CTXND1: variants seen among roughly 807,000 people sequenced by gnomAD.
The protein encoded by CTXND1 is cortexin domain containing 1.
In CTXND1 at chr15:80,200,543, T is replaced by A. The variant is rs2041443518; in HGVS notation, c.*1227A>T. 1 of 152,220 alleles carries A rather than the reference T, an allele frequency of 6.6e-6. No homozygotes were observed. Among genetic ancestry groups the A allele is most frequent in the African/African-American group, 2.4e-5 (1 of 41,434 alleles). The allele number at this position is 152,220 out of a possible 1,614,324, so 9.4% of individuals were successfully genotyped here. ...CCTGAGAAGAGCCATCATCGATGAC[T>A]TCTTCCTTGCCCCCCAACTCCGACT... On this transcript the variant is annotated 3_prime_UTR_variant, in exon 3 of 3. Coordinates refer to ENST00000560778, the MANE Select transcript of CTXND1 (RefSeq NM_001352888.2).
intron 1 of CTXND1, among the ~76,000 whole-genome samples, chr15:80,248,084 C>T (rs1893655025): frequency 6.6e-6 from 1 of 152,230 alleles, no homozygotes; most frequent in Non-Finnish European, 1.5e-5. Context: ...CCCTCCCATG[C>T]CCTCCAGGGA....
chr15:80,238,006 C>T (rs1265711973), intron 1 of CTXND1, among the ~76,000 whole-genome samples: 3 of 24,662 alleles, frequency 1.2e-4, no homozygotes, highest in African/African-American at 5.2e-4. Context: ...GAGACTCCAT[C>T]TCAAAAAAAA....
At chr15:80,204,207 C>CATATAT (rs199817313) in intron 1 of CTXND1, among the ~76,000 whole-genome samples, 16,209 of 52,592 alleles carry the variant, frequency 0.31, 1,532 homozygotes, top group East Asian at 0.51. Flanking sequence ...TATACACAAA[C>CATATAT]ACATACACAC....
chr15:80,228,500 G>A (rs903920820), intron 1 of CTXND1, among the ~76,000 whole-genome samples: 1 of 152,096 alleles, frequency 6.6e-6, no homozygotes, highest in African/African-American at 2.4e-5. Context: ...TTATCCAAGG[G>A]CCCCACAGTT....
intron 1 of CTXND1, among the ~76,000 whole-genome samples, chr15:80,227,451 C>G (rs1361762056): frequency 6.6e-6 from 1 of 152,118 alleles, no homozygotes; most frequent in Non-Finnish European, 1.5e-5. Flanking sequence ...ATTCTTTCTC[C>G]TCCTCAAGTA....
At chr15:80,202,659 A>G (rs1207206459) in intron 2 of CTXND1, among the ~76,000 whole-genome samples, 6 of 152,198 alleles carry the variant, frequency 3.9e-5, no homozygotes, top group African/African-American at 1.2e-4. Flanking sequence ...AATGAAACCT[A>G]TTGTGGAAAA....
At chr15:80,234,758 G>A (rs369819495) in intron 1 of CTXND1, among the ~76,000 whole-genome samples, 2 of 152,148 alleles carry the variant, frequency 1.3e-5, no homozygotes, top group Non-Finnish European at 2.9e-5. Flanking sequence ...GATTATAAGC[G>A]TGAGCCACTG....
At chr15:80,237,724 A>G (rs1345957621) in intron 1 of CTXND1, among the ~76,000 whole-genome samples, 1 of 152,162 alleles carries the variant, frequency 6.6e-6, no homozygotes, top group African/African-American at 2.4e-5. Context: ...AAAAGTTAAA[A>G]CACACTGGGT....
chr15:80,211,280 G>A (rs1439980950), intron 1 of CTXND1, among the ~76,000 whole-genome samples: 1 of 152,232 alleles, frequency 6.6e-6, no homozygotes, highest in South Asian at 2.1e-4. Flanking sequence ...ACAGTACGCT[G>A]CAGCGACATT....
At chr15:80,204,236 A>T in intron 1 of CTXND1, among the ~76,000 whole-genome samples, 1 of 145,806 alleles carries the variant, frequency 6.9e-6, no homozygotes, top group Admixed American at 6.9e-5. Context: ...ACACATATAT[A>T]TTTATAAACT....
intron 1 of CTXND1, among the ~76,000 whole-genome samples, chr15:80,222,770 T>A (rs529937397): frequency 1.9e-4 from 29 of 152,306 alleles, no homozygotes; most frequent in South Asian, 1.0e-3. Context: ...GCATCTTTTT[T>A]AAAAAATTAT....
chr15:80,226,577 A>G (rs1893374161), intron 1 of CTXND1, among the ~76,000 whole-genome samples: 1 of 152,162 alleles, frequency 6.6e-6, no homozygotes, highest in South Asian at 2.1e-4. Context: ...AGTGAAAAGA[A>G]CACTGTCAAA....
chr15:80,250,253 G>A (rs541911070), intron 1 of CTXND1, among the ~76,000 whole-genome samples: 1 of 152,042 alleles, frequency 6.6e-6, no homozygotes, highest in Non-Finnish European at 1.5e-5. Context: ...AACCCTGTAA[G>A]GAAAGGAACT....
intron 1 of CTXND1, among the ~76,000 whole-genome samples, chr15:80,247,303 C>T (rs557029955): frequency 1.2e-4 from 19 of 152,276 alleles, no homozygotes; most frequent in African/African-American, 4.6e-4. Context: ...CTCAAATTGT[C>T]CCTCATCCCC....
chr15:80,241,966 C>G (rs1247421525), intron 1 of CTXND1, among the ~76,000 whole-genome samples: 1 of 152,210 alleles, frequency 6.6e-6, no homozygotes, highest in Middle Eastern at 3.2e-3. Flanking sequence ...CCCACTTTTT[C>G]ACTCCAATAA....
Position 80,246,238 on chromosome 15 carries a change from C to T in CTXND1, c.-218+5769G>A, listed in dbSNP as rs1277598534. On this transcript the variant is annotated intron_variant, in intron 1 of 2. Coordinates refer to ENST00000560778, the MANE Select transcript of CTXND1 (RefSeq NM_001352888.2). ...CAAAGAAGCAAATTTTCTGTAATTCCAAAGTTCAATTCATATAAAGGTGGA... is the reference window on the plus strand; with the variant it reads ...CAAAGAAGCAAATTTTCTGTAATTCTAAAGTTCAATTCATATAAAGGTGGA... 3.9e-5 allele frequency among the ~76,000 whole-genome samples: 6 copies of T among 152,080 alleles called. No homozygotes were observed. In the East Asian group the frequency reaches 7.7e-4, roughly 19 times the overall value.
intron 1 of CTXND1, among the ~76,000 whole-genome samples, chr15:80,227,312 A>C (rs997559764): frequency 6.6e-6 from 1 of 152,224 alleles, no homozygotes; most frequent in African/African-American, 2.4e-5. Flanking sequence ...TTACTAACTA[A>C]TATCACAGTC....
intron 1 of CTXND1, among the ~76,000 whole-genome samples, chr15:80,234,129 C>CAGAG (rs1327183529): frequency 3.3e-5 from 5 of 152,172 alleles, no homozygotes; most frequent in African/African-American, 1.2e-4. Context: ...CCTTTGTGTG[C>CAGAG]AGAGCATCAT....
intron 1 of CTXND1, among the ~76,000 whole-genome samples, chr15:80,234,553 C>T (rs1395814933): frequency 1.3e-5 from 2 of 150,534 alleles, no homozygotes; most frequent in African/African-American, 2.4e-5. Context: ...TCTCAGCTCA[C>T]TGCAACGTCT....
Sources: allele counts gnomAD v4.1 joint callset (sites outside exome capture counted in the v4.1 genomes callset), GRCh38; gene constraint gnomAD v4.1.1; transcripts MANE v1.5; gene names NCBI Gene and HGNC (gene_info 2026-07-23, HGNC 2026-07-21).